The following PKD2L2 variants were observed in gnomAD, a reference collection of about 807,000 sequenced individuals.
The protein encoded by PKD2L2 is polycystin 2 like 2, transient receptor potential cation channel.
Under a neutral mutation model 83.9 loss-of-function variants are expected in PKD2L2, and 67 were observed. The ratio of observed to expected loss-of-function variants is 0.80; its 90% CI spans 0.66 to 0.98. PKD2L2 has a LOEUF of 0.98. Ranked by LOEUF, PKD2L2 falls within the 50% of genes least tolerant of loss-of-function variation. The probability of loss-of-function intolerance (pLI) is 0.00; values close to 1 mark genes in which losing one functional copy is unlikely to be tolerated. For synonymous variants in PKD2L2, 223 were observed against 237.8 expected, an observed-to-expected ratio of 0.94 and a Z score of 0.57; for missense variants, 632 against 717.2, an observed-to-expected ratio of 0.88 and a Z score of 1.36.
chr5:137,931,152 G>A (rs991073945), intron 12 of PKD2L2, among the ~76,000 whole-genome samples: 5 of 152,086 alleles, frequency 3.3e-5, no homozygotes, highest in African/African-American at 9.7e-5. Flanking sequence ...TATCAAAACT[G>A]AGCCCAGAAG....
chr5:137,941,856 C>G, intron 14 of PKD2L2: 6 of 1,127,302 alleles, frequency 5.3e-6, no homozygotes, highest in Non-Finnish European at 7.8e-6. Context: ...TGCACAATTT[C>G]TAATCCCACG....
chr5:137,918,164 A>AT (rs1758553723), intron 8 of PKD2L2, among the ~76,000 whole-genome samples: 3 of 152,114 alleles, frequency 2.0e-5, no homozygotes, highest in African/African-American at 7.2e-5. Flanking sequence ...TTTTGTTCTT[A>AT]TTTTTTATTT....
In PKD2L2 at chr5:137,940,321, T is replaced by A. The variant is rs767602915; in HGVS notation, c.*18-2063T>A. 2.5e-6 allele frequency: 4 copies of A among 1,606,092 alleles called. 1 individual carries two copies. In the South Asian group the frequency reaches 4.4e-5, roughly 18 times the overall value. ...TGTACTCTCTGTACTCCTCAAGCAC[T>A]GGAACACGATCCTCTTTCTGGGCAT... is the stretch of plus-strand genomic sequence containing the variant. On this transcript the variant is annotated intron_variant, in intron 14 of 14. Transcript: ENST00000508883.
intron 9 of PKD2L2, among the ~76,000 whole-genome samples, chr5:137,922,420 T>C (rs1038954429): frequency 3.3e-5 from 5 of 152,100 alleles, no homozygotes; most frequent in African/African-American, 1.2e-4. Context: ...AACAGCTTCA[T>C]AGAATTAAAA....
intron 6 of PKD2L2, among the ~76,000 whole-genome samples, chr5:137,906,899 C>A (rs1477289310): frequency 6.6e-6 from 1 of 152,116 alleles, no homozygotes; most frequent in African/African-American, 2.4e-5. Flanking sequence ...CAGAGGAGAC[C>A]TTATGAGTCC....
At chr5:137,939,189 T>C (rs1320048505) in intron 14 of PKD2L2, 1 of 152,336 alleles carries the variant, frequency 6.6e-6, no homozygotes, top group Non-Finnish European at 1.5e-5. Context: ...TTGTTGTCGT[T>C]GTTTTGGTAT....
intron 14 of PKD2L2, chr5:137,939,142 G>A (rs1760949750): frequency 6.6e-6 from 1 of 152,092 alleles, no homozygotes; most frequent in South Asian, 2.1e-4. Context: ...TAAACAGCAT[G>A]TTATGATTGA....
chr5:137,922,285 A>G (rs944809627), intron 9 of PKD2L2, among the ~76,000 whole-genome samples: 1 of 152,226 alleles, frequency 6.6e-6, no homozygotes, highest in Non-Finnish European at 1.5e-5. Flanking sequence ...GTGACAGACA[A>G]GAGTCTTAGG....
chr5:137,937,963 G>T (rs1027808660), intron 14 of PKD2L2: 6 of 151,274 alleles, frequency 4.0e-5, no homozygotes, highest in Non-Finnish European at 8.8e-5. Context: ...CAATGACTTA[G>T]AACTTTCAAG....
At chr5:137,924,703 C>T (rs940027946) in intron 10 of PKD2L2, among the ~76,000 whole-genome samples, 1 of 152,170 alleles carries the variant, frequency 6.6e-6, no homozygotes, top group African/African-American at 2.4e-5. Flanking sequence ...TTGCTTTTTT[C>T]CCCATCTTTT....
chr5:137,901,447 A>C (rs554344041), intron 5 of PKD2L2, among the ~76,000 whole-genome samples: 1 of 152,266 alleles, frequency 6.6e-6, no homozygotes, highest in African/African-American at 2.4e-5. Flanking sequence ...TTGATTAATA[A>C]GGAAGAGAAA....
intron 14 of PKD2L2, chr5:137,940,077 T>G: frequency 6.2e-7 from 1 of 1,614,172 alleles, no homozygotes; most frequent in Non-Finnish European, 8.5e-7. Flanking sequence ...CTCCCATCAT[T>G]TGTTTTGTTT....
intron 14 of PKD2L2, among the ~76,000 whole-genome samples, chr5:137,937,161 TG>T (rs1451314386): frequency 1.3e-5 from 2 of 152,220 alleles, no homozygotes; most frequent in East Asian, 3.8e-4. Flanking sequence ...CTTAGGATTC[TG>T]GGAAACCATT....
At chr5:137,933,313 A>C (rs544154085) in intron 12 of PKD2L2, among the ~76,000 whole-genome samples, 1 of 152,296 alleles carries the variant, frequency 6.6e-6, no homozygotes, top group East Asian at 1.9e-4. Context: ...AAATGAAGGT[A>C]CTTTCACCTT....
At chr5:137,898,596 T>C (rs1425675435) in intron 4 of PKD2L2, among the ~76,000 whole-genome samples, 2 of 152,196 alleles carry the variant, frequency 1.3e-5, no homozygotes, top group South Asian at 2.1e-4. Context: ...TATGCTACAG[T>C]GCAGGGACTA....
chr5:137,889,490 C>G lies in PKD2L2; in HGVS notation c.-2C>G. 1 of 1,570,344 alleles carries G rather than the reference C, an allele frequency of 6.4e-7. No individual in the cohort carries two copies. The highest frequency in any genetic ancestry group is 8.6e-7 in the Non-Finnish European group (1 of 1,163,186). ...GAACGGGCGGTGTAGTGCAGGTCCG[C>G]CATGGCTGAGGCGTCACGGTGGCAC... On this transcript the variant is annotated 5_prime_UTR_variant, in exon 1 of 15. Transcript: ENST00000508883.
intron 14 of PKD2L2, chr5:137,942,103 G>A (rs944120739): frequency 2.8e-6 from 4 of 1,419,244 alleles, no homozygotes; most frequent in African/African-American, 1.4e-5. Context: ...ATTCTTAAGA[G>A]AGGTTCTATT....
chr5:137,939,961 G>A lies in PKD2L2; in HGVS notation c.*18-2423G>A, dbSNP rs111747998. ...AGTCTTTTGCTAAAAGGATGTATCT[G>A]TAGTACAAAACAATGAAGTAAACCA... On this transcript the variant is annotated intron_variant, in intron 14 of 14. Coordinates refer to ENST00000508883, the MANE Select transcript of PKD2L2 (RefSeq NM_001300921.2). 3 of 1,487,526 alleles carry A rather than the reference G, an allele frequency of 2.0e-6. No homozygotes were observed. The African/African-American group carries it at 4.2e-5, about 21-fold the overall frequency. 92.1% of individuals were successfully genotyped at this position (1,487,526 alleles called of 1,614,324 possible).
At chr5:137,921,850 C>CA in intron 9 of PKD2L2, 94 bp downstream of exon 9, 4 of 952,276 alleles carry the variant, frequency 4.2e-6, no homozygotes, top group Non-Finnish European at 6.3e-6. Context: ...GCTCAGCTGT[C>CA]AGAGTACTTT....
Sources: allele counts gnomAD v4.1 joint callset (sites outside exome capture counted in the v4.1 genomes callset), GRCh38; gene constraint gnomAD v4.1.1; transcripts MANE v1.5; gene names NCBI Gene and HGNC (gene_info 2026-07-23, HGNC 2026-07-21).